SPATA18: variants seen among roughly 807,000 people sequenced by gnomAD.
SPATA18 encodes the protein mitochondria-eating protein.
In SPATA18, 54 loss-of-function variants were observed where a neutral mutation model predicts 68.1. That is an observed-to-expected ratio of 0.79 (90% CI 0.64 to 0.99). The LOEUF is 0.99. Ranked by LOEUF, SPATA18 falls within the 50% of genes least tolerant of loss-of-function variation. The probability of loss-of-function intolerance (pLI) is 0.00; values close to 1 mark genes in which losing one functional copy is unlikely to be tolerated. For synonymous variants in SPATA18, 242 were observed against 244.8 expected, an observed-to-expected ratio of 0.99 and a Z score of 0.11; for missense variants, 724 against 681.1, an observed-to-expected ratio of 1.06 and a Z score of -0.70.
At chr4:52,053,816 G>A (rs1390181916) in intron 1 of SPATA18, among the ~76,000 whole-genome samples, 1 of 151,992 alleles carries the variant, frequency 6.6e-6, no homozygotes, top group East Asian at 1.9e-4. Flanking sequence ...TCTTTCACCT[G>A]GATTATTACA....
rs771097807 is a variant in SPATA18 at position 52,084,950 on chromosome 4, G to A, written c.1514G>A (p.Ser505Asn). 1.7e-5 allele frequency: 27 copies of A among 1,613,914 alleles called. No homozygotes were observed. Among genetic ancestry groups the A allele is most frequent in the Non-Finnish European group, 2.0e-5 (24 of 1,179,942 alleles). ...GTGCGATCTGTAAGTCGTTGTCGAA[G>A]CAGGAGTTTAAGTCCCATTTGCCCC... ...NSVRSVSRCR[S>N]RSLSPICPRS... The change falls in exon 11 of 13, where the codon AGC becomes AAC. Residue 505 changes from serine (S) to asparagine (N), a missense_variant. Ser to Asn is a conservative substitution (Grantham distance 46, BLOSUM62 1). Transcript: ENST00000295213.
At chr4:52,079,493 G>GT (rs1261578625) in intron 8 of SPATA18, among the ~76,000 whole-genome samples, 1 of 152,120 alleles carries the variant, frequency 6.6e-6, no homozygotes, top group Non-Finnish European at 1.5e-5. Context: ...GCCACAGAAG[G>GT]TTTTTTTCCT....
intron 11 of SPATA18, among the ~76,000 whole-genome samples, chr4:52,089,913 A>G (rs1741788173): frequency 6.6e-6 from 1 of 152,122 alleles, no homozygotes; most frequent in African/African-American, 2.4e-5. Context: ...ATTGTGTGGG[A>G]GTATAAGTCT....
intron 4 of SPATA18, 91 bp from the exon 5 acceptor site, chr4:52,069,730 A>G (rs1414738020): frequency 1.3e-6 from 1 of 796,386 alleles, no homozygotes; most frequent in Non-Finnish European, 1.9e-6. Flanking sequence ...ACTATGTCAT[A>G]TACCAGAAGT....
chr4:52,096,644 A>C lies in SPATA18; in HGVS notation c.*1757A>C, dbSNP rs1742445928. ...TAAGTCATTAGATGGCTGAACCTGC[A>C]TGTAGAGCCACCAGCTACAAATGAA... On this transcript the variant is annotated 3_prime_UTR_variant, in exon 13 of 13. Transcript: ENST00000295213. 1 of 152,142 alleles carries C rather than the reference A, an allele frequency of 6.6e-6. No individual in the cohort carries two copies. The allele number at this position is 152,142 out of a possible 1,614,324, so 9.4% of individuals were successfully genotyped here. A position where few individuals can be genotyped will look rare whatever the true frequency, so the allele number is the denominator to read the frequency against.
chr4:52,072,304 T>C, intron 6 of SPATA18, 148 bp downstream of exon 6: 1 of 1,295,052 alleles, frequency 7.7e-7, no homozygotes, highest in Non-Finnish European at 1.0e-6. Context: ...AGGGATTGTT[T>C]TCTTAACTGC....
rs142966719 is a variant in SPATA18, at chr4:52,079,791, T to G, written c.1227T>G (p.Pro409=). Residue 409 remains proline, a synonymous_variant, in exon 9 of 13, where the codon CCT becomes CCG. Transcript: ENST00000295213. ...MNVNPKISFP[P]VVDFCLLSDF... is the part of the protein sequence containing the mutation. ...TCAATCCCAAGATTTCATTCCCTCC[T>G]GTCGTTGACTTTTGCCTTCTCAGTG... 1.2e-6 allele frequency: 2 copies of G among 1,614,092 alleles called. No individual in the cohort carries two copies. The highest frequency in any genetic ancestry group is 1.7e-6 in the Non-Finnish European group (2 of 1,179,944).
intron 1 of SPATA18, among the ~76,000 whole-genome samples, chr4:52,054,707 C>G (rs1359699897): frequency 6.6e-6 from 1 of 151,904 alleles, no homozygotes; most frequent in Non-Finnish European, 1.5e-5. Flanking sequence ...TCCGTGATCT[C>G]TTATCAAGAG....
chr4:52,073,808 G>T (rs911715310), intron 6 of SPATA18, among the ~76,000 whole-genome samples: 2 of 152,146 alleles, frequency 1.3e-5, no homozygotes, highest in African/African-American at 4.8e-5. Context: ...TAGCCATTTG[G>T]CTTGTTTGAA....
intron 11 of SPATA18, among the ~76,000 whole-genome samples, chr4:52,092,920 T>C (rs542238702): frequency 6.6e-6 from 1 of 152,296 alleles, no homozygotes; most frequent in East Asian, 1.9e-4. Context: ...CCTTTCTCAC[T>C]TATAAGTTGA....
In SPATA18 at chr4:52,051,395, C is replaced by G. The variant is rs1227983965; in HGVS notation, c.-310C>G. On this transcript the variant is annotated 5_prime_UTR_variant, in exon 1 of 13. Transcript: ENST00000295213. ...CCGCGCGCGTCCCTGGCAGCCAACC[C>G]GTCCACGTCAAGGTTTGTTTAATAA... 1 of 289,088 alleles carries G rather than the reference C, an allele frequency of 3.5e-6. No individual in the cohort carries two copies. Among genetic ancestry groups the G allele is most frequent in the East Asian group, 6.5e-5 (1 of 15,376 alleles). The allele number at this position is 289,088 out of a possible 1,614,324, so 17.9% of individuals were successfully genotyped here.
chr4:52,069,973 G>A, intron 5 of SPATA18, 57 bp downstream of exon 5: 3 of 1,240,558 alleles, frequency 2.4e-6, no homozygotes, highest in Non-Finnish European at 3.3e-6. Flanking sequence ...AGCTTTTTTG[G>A]TGCTCCATTA....
At chr4:52,063,312 A>G (rs1403579786) in intron 4 of SPATA18, among the ~76,000 whole-genome samples, 2 of 152,208 alleles carry the variant, frequency 1.3e-5, no homozygotes, top group East Asian at 1.9e-4. Context: ...CAAAATGCAT[A>G]CAACAAATAA....
At chr4:52,078,982 T>A (rs1740664267) in intron 8 of SPATA18, 89 bp downstream of exon 8, 1 of 1,300,316 alleles carries the variant, frequency 7.7e-7, no homozygotes, top group Non-Finnish European at 1.0e-6. Flanking sequence ...CATCCAGTAT[T>A]TAGTATTAAT....
chr4:52,077,072 T>C (rs1421203531), intron 7 of SPATA18, 32 bp downstream of exon 7: 1 of 1,560,068 alleles, frequency 6.4e-7, no homozygotes, highest in Admixed American at 1.9e-5. Context: ...CCCGGCTCCT[T>C]AGGGCAGCCG....
chr4:52,073,817 A>T (rs770741313), intron 6 of SPATA18, among the ~76,000 whole-genome samples: 3 of 152,164 alleles, frequency 2.0e-5, no homozygotes, highest in Non-Finnish European at 4.4e-5. Context: ...GGCTTGTTTG[A>T]AAATTTCTTG....
chr4:52,091,725 G>T (rs1442453824), intron 11 of SPATA18, among the ~76,000 whole-genome samples: 1 of 152,194 alleles, frequency 6.6e-6, no homozygotes, highest in Non-Finnish European at 1.5e-5. Context: ...GTTGGGAGGT[G>T]TCTCCCAGTC....
In SPATA18 at chr4:52,060,433, T is replaced by A; in HGVS notation, c.102T>A (p.Asp34Glu). The change falls in exon 2 of 13, where the codon GAT becomes GAA. Residue 34 changes from aspartate to glutamate, a missense_variant. Coordinates refer to ENST00000295213, the MANE Select transcript of SPATA18 (RefSeq NM_145263.4). ...WLKEYNTNTCDQNLNHCLELI... is the reference protein window; with the variant it reads ...WLKEYNTNTCEQNLNHCLELI... ...TGCCCTTGCAGACAAACACGTGTGA[T>A]CAAAATCTAAACCATTGCCTTGAAC... is the stretch of plus-strand genomic sequence containing the variant. 3.7e-6 allele frequency: 6 copies of A among 1,613,960 alleles called. No individual in the cohort carries two copies. Among genetic ancestry groups the A allele is most frequent in the Non-Finnish European group, 5.1e-6 (6 of 1,179,906 alleles).
Position 52,094,420 on chromosome 4 carries a change from C to G in SPATA18, c.1564-107C>G, listed in dbSNP as rs927876861. On this transcript the variant is annotated intron_variant, in intron 11 of 12. Coordinates refer to ENST00000295213, the MANE Select transcript of SPATA18 (RefSeq NM_145263.4). Reference sequence around the variant, plus strand: ...GAAAAATCATAGTGCTAAAGTGCCTCAGAGAAAGCTATTTGGTTGGTTTTA... The same window carrying G: ...GAAAAATCATAGTGCTAAAGTGCCTGAGAGAAAGCTATTTGGTTGGTTTTA... The G allele has an allele frequency of 3.3e-5, 33 of 997,838 alleles. No homozygotes were observed. The African/African-American group carries it at 4.8e-4, about 15-fold the overall frequency. 61.8% of individuals were successfully genotyped at this position (997,838 alleles called of 1,614,324 possible).
Sources: allele counts gnomAD v4.1 joint callset (sites outside exome capture counted in the v4.1 genomes callset), GRCh38; gene constraint gnomAD v4.1.1; transcripts MANE v1.5; gene names NCBI Gene and HGNC (gene_info 2026-07-23, HGNC 2026-07-21).